The following MED12L variants were observed in gnomAD, a reference collection of about 807,000 sequenced individuals.
MED12L encodes mediator complex subunit 12L, also known as mediator of RNA polymerase II transcription subunit 12-like protein.
Under a neutral mutation model 281.3 loss-of-function variants are expected in MED12L, and 60 were observed. The observed-to-expected ratio is 0.21, with a 90% CI of 0.17 to 0.26. The LOEUF is 0.26. Among genes scored for constraint, MED12L ranks in the 10% least tolerant of loss-of-function variants. The pLI is 1.00. For missense variants in MED12L, 2,146 were observed against 2,680.9 expected, an observed-to-expected ratio of 0.80 and a Z score of 4.41; for synonymous variants, 974 against 987.2, an observed-to-expected ratio of 0.99 and a Z score of 0.25.
At chr3:151,249,050 A>G (rs1736334076) in intron 16 of MED12L, 1 of 152,202 alleles carries the variant, frequency 6.6e-6, no homozygotes, top group African/African-American at 2.4e-5. Flanking sequence ...CATCTCGCCA[A>G]ATGCTTGAAT....
Position 151,127,868 on chromosome 3 carries a change from C to T in MED12L, c.440C>T (p.Ala147Val). Residue 147 changes from alanine to valine, a missense_variant, in exon 5 of 45, where the codon GCT (alanine) becomes GTT (valine). Ala to Val is a moderately conservative substitution (Grantham distance 64). Transcript: ENST00000687756. ...SKKEDVFAYL[A>V]KYSVPMVRAT... ...AAAGAGGATGTTTTTGCATATTTAGCTAAATATTCTGTGCCAATGGTTCGA... is the reference window on the plus strand; with the variant it reads ...AAAGAGGATGTTTTTGCATATTTAGTTAAATATTCTGTGCCAATGGTTCGA... 1.2e-6 allele frequency: 2 copies of T among 1,612,794 alleles called. No individual in the cohort carries two copies. The highest frequency in any genetic ancestry group is 1.7e-6 in the Non-Finnish European group (2 of 1,178,954).
At chr3:151,122,561 C>G (rs532141534) in intron 3 of MED12L, among the ~76,000 whole-genome samples, 2 of 152,154 alleles carry the variant, frequency 1.3e-5, no homozygotes, top group Non-Finnish European at 2.9e-5. Context: ...TCCTTAACCC[C>G]CTCCGCCAAA....
chr3:151,199,408 C>T (rs1290495170), intron 16 of MED12L: 1 of 1,559,862 alleles, frequency 6.4e-7, no homozygotes, highest in Non-Finnish European at 8.6e-7. Context: ...GTAAGGATGA[C>T]TGCTTATTGA....
intron 2 of MED12L, among the ~76,000 whole-genome samples, chr3:151,097,647 TTCTC>T (rs1720889327): frequency 6.6e-6 from 1 of 152,226 alleles, no homozygotes; most frequent in African/African-American, 2.4e-5. Context: ...TGCATTTTCT[TTCTC>T]TCTCCTCAGG....
At chr3:151,176,513 T>G (rs1722069617) in intron 11 of MED12L, among the ~76,000 whole-genome samples, 1 of 152,138 alleles carries the variant, frequency 6.6e-6, no homozygotes, top group African/African-American at 2.4e-5. Context: ...TCTACAGGAT[T>G]TTTTTTCTTT....
At chr3:151,111,079 C>T (rs1214756182) in intron 2 of MED12L, among the ~76,000 whole-genome samples, 1 of 152,246 alleles carries the variant, frequency 6.6e-6, no homozygotes, top group Non-Finnish European at 1.5e-5. Flanking sequence ...GTGGGACCAG[C>T]AGCTGTGCTT....
chr3:151,291,402 ATAACAGTCAG>A (rs537532758), intron 16 of MED12L, among the ~76,000 whole-genome samples: 2 of 152,188 alleles, frequency 1.3e-5, no homozygotes, highest in Non-Finnish European at 2.9e-5. Context: ...TTTAATGAAT[ATAACAGTCAG>A]TAACACACAC....
chr3:151,397,451 G>A (rs1715126242), intron 39 of MED12L, among the ~76,000 whole-genome samples: 1 of 152,292 alleles, frequency 6.6e-6, no homozygotes, highest in South Asian at 2.1e-4. Context: ...ATCCGTCATG[G>A]TACCTGTACT....
At chr3:151,151,704 A>C (rs1447705615) in intron 5 of MED12L, among the ~76,000 whole-genome samples, 1 of 152,126 alleles carries the variant, frequency 6.6e-6, no homozygotes, top group African/African-American at 2.4e-5. Context: ...GTGGCACCTC[A>C]AGACATTTAC....
chr3:151,267,271 A>C (rs769911407), intron 16 of MED12L, among the ~76,000 whole-genome samples: 12 of 152,284 alleles, frequency 7.9e-5, no homozygotes, highest in Non-Finnish European at 1.3e-4. Context: ...TGTCATTTAG[A>C]AAGGCATAAC....
chr3:151,235,085 C>T (rs1732466013), intron 16 of MED12L, among the ~76,000 whole-genome samples: 1 of 152,152 alleles, frequency 6.6e-6, no homozygotes, highest in Non-Finnish European at 1.5e-5. Context: ...GGCAGGCAAA[C>T]CAATATTCCT....
intron 16 of MED12L, among the ~76,000 whole-genome samples, chr3:151,226,974 A>C (rs1023738468): frequency 6.6e-6 from 1 of 152,176 alleles, no homozygotes; most frequent in African/African-American, 2.4e-5. Flanking sequence ...CCACACGCAG[A>C]TCCCCTGGGG....
At chr3:151,092,758 C>G (rs9883677) in intron 2 of MED12L, among the ~76,000 whole-genome samples, 63,327 of 152,012 alleles carry the variant, frequency 0.42, 14,288 homozygotes, top group African/African-American at 0.6. Flanking sequence ...GGAGATACTT[C>G]ATTTCAGAAA....
chr3:151,105,429 C>T (rs565966504), intron 2 of MED12L, among the ~76,000 whole-genome samples: 3 of 152,298 alleles, frequency 2.0e-5, no homozygotes, highest in East Asian at 3.9e-4. Flanking sequence ...GTTCTGCCCT[C>T]ATCTTTCTGC....
At chr3:151,195,045 C>A (rs539742313) in intron 16 of MED12L, among the ~76,000 whole-genome samples, 1 of 152,104 alleles carries the variant, frequency 6.6e-6, no homozygotes, top group Non-Finnish European at 1.5e-5. Context: ...CGCCTGTAGT[C>A]GCAGCTTCTC....
At chr3:151,408,065 A>C (rs1716531938) in intron 39 of MED12L, among the ~76,000 whole-genome samples, 1 of 152,220 alleles carries the variant, frequency 6.6e-6, no homozygotes, top group Non-Finnish European at 1.5e-5. Flanking sequence ...TCTCATGATA[A>C]TGGAAAGAGC....
rs1164820615 is a variant in MED12L, at chr3:151,317,436, C to CTTTTTTTTTTTTTTTTTTTTTT, written c.2251-32614_2251-32593dup. 3.7e-4 allele frequency among the ~76,000 whole-genome samples: 22 copies of CTTTTTTTTTTTTTTTTTTTTTT among 58,740 alleles called. 5 individuals are homozygous for CTTTTTTTTTTTTTTTTTTTTTT. Among genetic ancestry groups the CTTTTTTTTTTTTTTTTTTTTTT allele is most frequent in the African/African-American group, 5.8e-4 (9 of 15,646 alleles). The allele number at this position is 58,740 out of a possible 152,430, so 38.5% of individuals were successfully genotyped here. A position where few individuals can be genotyped will look rare whatever the true frequency, so the allele number is the denominator to read the frequency against. On this transcript the variant is annotated intron_variant, in intron 16 of 44. Coordinates refer to ENST00000687756, the MANE Select transcript of MED12L (RefSeq NM_001393769.1). ...ATGACAAATTTATATAATCATATCA[C>CTTTTTTTTTTTTTTTTTTTTTT]TTTTTTTTTTTTTTTTTTTTTTTTT...
chr3:151,297,432 G>A, intron 16 of MED12L, among the ~76,000 whole-genome samples: 1 of 150,810 alleles, frequency 6.6e-6, no homozygotes, highest in East Asian at 1.9e-4. Context: ...GAAATAGAGA[G>A]AGGACATGTG....
intron 2 of MED12L, among the ~76,000 whole-genome samples, chr3:151,106,994 G>A (rs1469606956): frequency 6.6e-6 from 1 of 151,492 alleles, no homozygotes; most frequent in Non-Finnish European, 1.5e-5. Context: ...CTTCTAATTG[G>A]AGTCTTAGTC....
Sources: allele counts gnomAD v4.1 joint callset (sites outside exome capture counted in the v4.1 genomes callset), GRCh38; gene constraint gnomAD v4.1.1; transcripts MANE v1.5; gene names NCBI Gene and HGNC (gene_info 2026-07-23, HGNC 2026-07-21).